ARHGAP12: variants seen among roughly 807,000 people sequenced by gnomAD.
ARHGAP12 encodes Rho GTPase activating protein 12.
A neutral mutation model predicts 108.6 loss-of-function variants in ARHGAP12; 64 were observed. The ratio of observed to expected loss-of-function variants is 0.59; its 90% CI spans 0.48 to 0.73. The LOEUF is 0.73. Ranked by LOEUF, ARHGAP12 falls within the 30% of genes least tolerant of loss-of-function variation. The probability of loss-of-function intolerance (pLI) is 0.00; values close to 1 mark genes in which losing one functional copy is unlikely to be tolerated. For missense variants in ARHGAP12, 940 were observed against 1,005.9 expected, an observed-to-expected ratio of 0.93 and a Z score of 0.89; for synonymous variants, 312 against 337.2, an observed-to-expected ratio of 0.93 and a Z score of 0.82.
At chr10:31,911,171 G>A (rs557582621) in intron 1 of ARHGAP12, among the ~76,000 whole-genome samples, 83 of 152,220 alleles carry the variant, frequency 5.5e-4, no homozygotes, top group African/African-American at 1.9e-3. Context: ...TTACAGGCAT[G>A]AGCCACCATG....
intron 4 of ARHGAP12, among the ~76,000 whole-genome samples, chr10:31,859,388 G>A (rs944632707): frequency 6.6e-6 from 1 of 152,226 alleles, no homozygotes; most frequent in Non-Finnish European, 1.5e-5. Flanking sequence ...CCTCACAATT[G>A]TGAGAGAAAA....
At chr10:31,820,009 GAGA>G (rs753528239) in intron 12 of ARHGAP12, among the ~76,000 whole-genome samples, 5 of 150,944 alleles carry the variant, frequency 3.3e-5, no homozygotes, top group South Asian at 2.1e-4. Flanking sequence ...CAGCAAAATT[GAGA>G]AGAAGATATA....
Position 31,905,338 on chromosome 10 carries a change from C to A in ARHGAP12, c.684+2834G>T, listed in dbSNP as rs182648683. ...CTCAAACTCCTGGCCTCAAGTGATC[C>A]TCCCACCGCAGCCTCCTGCATAGCT... is the stretch of plus-strand genomic sequence containing the variant. On this transcript the variant is annotated intron_variant, in intron 3 of 19. Transcript: ENST00000344936. Among the ~76,000 whole-genome samples the A allele has an allele frequency of 1.5e-3, 233 of 152,238 alleles. 1 individual carries two copies. Among genetic ancestry groups the A allele is most frequent in the African/African-American group, 5.4e-3 (223 of 41,552 alleles).
chr10:31,896,866 G>A (rs1188639480), intron 3 of ARHGAP12, among the ~76,000 whole-genome samples: 1 of 152,112 alleles, frequency 6.6e-6, no homozygotes, highest in Non-Finnish European at 1.5e-5. Context: ...CAGAACCAAA[G>A]TCACGTGTCA....
At chr10:31,915,247 G>A (rs1184041243) in intron 1 of ARHGAP12, among the ~76,000 whole-genome samples, 3 of 152,126 alleles carry the variant, frequency 2.0e-5, no homozygotes, top group South Asian at 2.1e-4. Flanking sequence ...TTAGCCAGGC[G>A]TGGTAGCGCA....
chr10:31,817,428 A>G (rs996217085), intron 13 of ARHGAP12, among the ~76,000 whole-genome samples: 2 of 152,254 alleles, frequency 1.3e-5, no homozygotes, highest in Non-Finnish European at 2.9e-5. Context: ...CTTTCATTTC[A>G]TAAGCTCGCC....
chr10:31,925,730 T>C (rs1840009099), intron 1 of ARHGAP12, among the ~76,000 whole-genome samples: 1 of 152,136 alleles, frequency 6.6e-6, no homozygotes, highest in Non-Finnish European at 1.5e-5. Flanking sequence ...GAAAATACAC[T>C]AAGAGTAACA....
chr10:31,904,360 G>C (rs1175773699), intron 3 of ARHGAP12, among the ~76,000 whole-genome samples: 4 of 152,084 alleles, frequency 2.6e-5, no homozygotes, highest in Non-Finnish European at 5.9e-5. Flanking sequence ...AATCCCCAAA[G>C]GTATGATTCC....
chr10:31,920,449 CAAAAAA>C (rs71027040), intron 1 of ARHGAP12, among the ~76,000 whole-genome samples: 12 of 59,612 alleles, frequency 2.0e-4, no homozygotes, highest in Admixed American at 1.2e-3. Context: ...GACTCCGTCT[CAAAAAA>C]AAAAAAAAAA....
At chr10:31,925,865 C>G (rs994947772) in intron 1 of ARHGAP12, among the ~76,000 whole-genome samples, 4 of 152,116 alleles carry the variant, frequency 2.6e-5, no homozygotes, top group African/African-American at 4.8e-5. Context: ...AAACCTGGTC[C>G]AATGTAAAGA....
At chr10:31,811,584 TCATA>T (rs1362606936) in intron 15 of ARHGAP12, among the ~76,000 whole-genome samples, 1 of 150,354 alleles carries the variant, frequency 6.7e-6, no homozygotes, top group Non-Finnish European at 1.5e-5. Context: ...TCTGAACTCA[TCATA>T]CAAATTCAAA....
intron 3 of ARHGAP12, among the ~76,000 whole-genome samples, chr10:31,906,737 G>A (rs1199239789): frequency 1.3e-5 from 2 of 152,166 alleles, no homozygotes; most frequent in African/African-American, 2.4e-5. Flanking sequence ...GAACTCCAGG[G>A]CAGTGAACTT....
intron 3 of ARHGAP12, among the ~76,000 whole-genome samples, chr10:31,907,019 G>A (rs151264321): frequency 2.6e-5 from 4 of 152,076 alleles, no homozygotes; most frequent in African/African-American, 4.8e-5. Flanking sequence ...TCAAACACTA[G>A]AAGTTTTTCT....
intron 13 of ARHGAP12, among the ~76,000 whole-genome samples, chr10:31,816,301 G>T (rs1260362793): frequency 1.3e-5 from 2 of 151,228 alleles, no homozygotes; most frequent in Non-Finnish European, 2.9e-5. Flanking sequence ...TTTCTGCAAG[G>T]CCTTCCCTAA....
intron 3 of ARHGAP12, among the ~76,000 whole-genome samples, chr10:31,902,854 C>CA: frequency 6.6e-6 from 1 of 151,938 alleles, no homozygotes; most frequent in South Asian, 2.1e-4. Flanking sequence ...TGTGACAGTG[C>CA]TTTTTTTTGG....
chr10:31,919,794 AAAAAAAAACAAAACC>A (rs1839714631), intron 1 of ARHGAP12, among the ~76,000 whole-genome samples: 1 of 149,424 alleles, frequency 6.7e-6, no homozygotes, highest in Non-Finnish European at 1.5e-5. Context: ...TCCATTTCAA[AAAAAAAAACAAAACC>A]AAAAAAAACA....
At chr10:31,853,830 G>A (rs1229948128) in intron 5 of ARHGAP12, among the ~76,000 whole-genome samples, 1 of 152,148 alleles carries the variant, frequency 6.6e-6, no homozygotes, top group Non-Finnish European at 1.5e-5. Flanking sequence ...TTCAACAGGT[G>A]TACTCTTAAA....
intron 1 of ARHGAP12, among the ~76,000 whole-genome samples, chr10:31,915,260 C>A (rs1839507422): frequency 6.6e-6 from 1 of 152,076 alleles, no homozygotes; most frequent in Non-Finnish European, 1.5e-5. Context: ...GTAGCGCATG[C>A]CTGTAATCTC....
chr10:31,820,667 G>A (rs555149650), intron 11 of ARHGAP12, among the ~76,000 whole-genome samples, 179 bp from the exon 12 acceptor site: 1 of 147,774 alleles, frequency 6.8e-6, no homozygotes, highest in East Asian at 2.0e-4. Context: ...TAGAATATAT[G>A]AATACACAAT....
Sources: gnomAD v4.1 joint callset for allele counts (sites outside exome capture counted in the v4.1 genomes callset) on GRCh38, gnomAD v4.1.1 for gene constraint, MANE v1.5 for transcripts, NCBI Gene and HGNC (gene_info 2026-07-23, HGNC 2026-07-21) for gene names.